The following ACAP2 variants were observed in gnomAD, a reference collection of about 807,000 sequenced individuals.
ACAP2 encodes arf-GAP with coiled-coil, ANK repeat and PH domain-containing protein 2.
Under a neutral mutation model 115.8 loss-of-function variants are expected in ACAP2, and 39 were observed. That is an observed-to-expected ratio of 0.34 (90% CI 0.26 to 0.44). The LOEUF is 0.44. ACAP2 is among the 20% of genes least tolerant of loss of function. The probability of loss-of-function intolerance (pLI) is 1.00; values close to 1 mark genes in which losing one functional copy is unlikely to be tolerated. For missense variants in ACAP2, 662 were observed against 927.6 expected, an observed-to-expected ratio of 0.71 and a Z score of 3.72; for synonymous variants, 289 against 315.8, an observed-to-expected ratio of 0.92 and a Z score of 0.90.
At chr3:195,308,686 T>C (rs1272038376) in intron 11 of ACAP2, 100 bp downstream of exon 11, 2 of 958,842 alleles carry the variant, frequency 2.1e-6, no homozygotes, top group East Asian at 5.5e-5. Flanking sequence ...ATAATTACAT[T>C]AATTTTACAC....
At chr3:195,346,345 T>C (rs986852975) in intron 4 of ACAP2, among the ~76,000 whole-genome samples, 6 of 152,146 alleles carry the variant, frequency 3.9e-5, no homozygotes, top group Admixed American at 3.9e-4. Context: ...TTAGCGAATA[T>C]TATAAAATTG....
At chr3:195,330,091 C>T (rs761723387) in intron 8 of ACAP2, among the ~76,000 whole-genome samples, 7 of 152,104 alleles carry the variant, frequency 4.6e-5, no homozygotes, top group South Asian at 2.1e-4. Context: ...AGCAAGTATA[C>T]GCTACTGATT....
At chr3:195,352,898 T>C (rs944692402) in intron 4 of ACAP2, among the ~76,000 whole-genome samples, 2 of 151,968 alleles carry the variant, frequency 1.3e-5, no homozygotes, top group Admixed American at 1.3e-4. Flanking sequence ...CTGGCCAACA[T>C]GGTGAAACCC....
intron 13 of ACAP2, among the ~76,000 whole-genome samples, chr3:195,303,916 C>G (rs1379862356): frequency 6.6e-6 from 1 of 152,064 alleles, no homozygotes; most frequent in Non-Finnish European, 1.5e-5. Flanking sequence ...AATCTCAGCA[C>G]TTTGGGAAGC....
intron 1 of ACAP2, among the ~76,000 whole-genome samples, chr3:195,396,793 GA>G (rs62983860): frequency 1.1e-5 from 1 of 91,818 alleles, no homozygotes; most frequent in Admixed American, 1.5e-4. Context: ...TCTCAAAAAA[GA>G]AAAAAAAAAA....
At chr3:195,344,189 G>C (rs1261811483) in intron 5 of ACAP2, among the ~76,000 whole-genome samples, 1 of 152,148 alleles carries the variant, frequency 6.6e-6, no homozygotes, top group Non-Finnish European at 1.5e-5. Flanking sequence ...CTGTACTCCA[G>C]CCTGGGTAAC....
At chr3:195,417,166 G>C (rs998455540) in intron 1 of ACAP2, among the ~76,000 whole-genome samples, 2 of 145,282 alleles carry the variant, frequency 1.4e-5, no homozygotes, top group Non-Finnish European at 3.0e-5. Flanking sequence ...TCCTGGCCTC[G>C]AGCAGTCCTC....
chr3:195,391,940 A>G, intron 2 of ACAP2, 150 bp downstream of exon 2: 1 of 585,896 alleles, frequency 1.7e-6, no homozygotes, highest in Non-Finnish European at 3.0e-6. Flanking sequence ...GGTTGCAGTG[A>G]GCTGAGATCA....
chr3:195,417,194 A>C (rs1713808527), intron 1 of ACAP2, among the ~76,000 whole-genome samples: 1 of 150,550 alleles, frequency 6.6e-6, no homozygotes. Flanking sequence ...AGCCTCCCAA[A>C]GTGCTGACAT....
At position 195,369,721 on chromosome 3, in the gene ACAP2, G is replaced by A. The variant is rs151202422; in HGVS notation, c.285+11288C>T. On this transcript the variant is annotated intron_variant, in intron 4 of 22. Coordinates refer to ENST00000326793, the MANE Select transcript of ACAP2 (RefSeq NM_012287.6). ...GTGAACAGTGCTGCAATGAACACTC[G>A]TGTGCATGTGTCTCTATGGTAGAAT... Among the ~76,000 whole-genome samples, 6 of 152,250 alleles carry A rather than the reference G, an allele frequency of 3.9e-5. No individual in the cohort carries two copies. The East Asian group carries it at 5.8e-4, about 15-fold the overall frequency.
In ACAP2 at chr3:195,346,169, A is replaced by G. The variant is rs115390365; in HGVS notation, c.286-852T>C. Among the ~76,000 whole-genome samples the G allele has an allele frequency of 1.8e-3, 271 of 152,306 alleles. 1 individual carries two copies. Among genetic ancestry groups the G allele is most frequent in the African/African-American group, 5.1e-3 (211 of 41,576 alleles). On this transcript the variant is annotated intron_variant, in intron 4 of 22. Coordinates refer to ENST00000326793, the MANE Select transcript of ACAP2 (RefSeq NM_012287.6). ...AATCTGGACTTTTCAAAATCTGTCAATTTACTTCCAGAGAGAAATTTAATT... is the reference window on the plus strand; with the variant it reads ...AATCTGGACTTTTCAAAATCTGTCAGTTTACTTCCAGAGAGAAATTTAATT...
chr3:195,442,663 G>T (rs1353645492), intron 1 of ACAP2, 132 bp downstream of exon 1: 1 of 959,642 alleles, frequency 1.0e-6, no homozygotes, highest in Non-Finnish European at 1.5e-6. Flanking sequence ...GGTGGGAAAC[G>T]GCGGCAACAG....
intron 3 of ACAP2, 37 bp downstream of exon 3, chr3:195,381,866 T>C: frequency 6.4e-7 from 1 of 1,566,184 alleles, no homozygotes; most frequent in Non-Finnish European, 8.6e-7. Flanking sequence ...TATTGCTTTT[T>C]TTTTTCATTT....
intron 13 of ACAP2, among the ~76,000 whole-genome samples, chr3:195,302,840 T>C (rs1316562889): frequency 6.6e-6 from 1 of 152,132 alleles, no homozygotes; most frequent in Non-Finnish European, 1.5e-5. Flanking sequence ...ATCCCAGCAC[T>C]TTAGGAAGCT....
In ACAP2 at chr3:195,428,078, A is replaced by G. The variant is rs546272452; in HGVS notation, c.53+14717T>C. Among the ~76,000 whole-genome samples, 12 of 152,074 alleles carry G rather than the reference A, an allele frequency of 7.9e-5. 1 individual carries two copies. The South Asian group carries it at 2.5e-3, about 32-fold the overall frequency. On this transcript the variant is annotated intron_variant, in intron 1 of 22. Transcript: ENST00000326793. The stretch of plus-strand genomic sequence containing the variant: ...TACCAAATTATCAATAATCCAGAAA[A>G]GCAGGGTATCAACATGTCCAAAACA...
At chr3:195,341,767 T>G (rs1325050080) in intron 6 of ACAP2, among the ~76,000 whole-genome samples, 4 of 152,222 alleles carry the variant, frequency 2.6e-5, no homozygotes, top group Non-Finnish European at 5.9e-5. Context: ...GATGTTATTA[T>G]CACTCACAAT....
chr3:195,279,544 G>T, intron 22 of ACAP2, 116 bp from the exon 23 acceptor site: 1 of 553,782 alleles, frequency 1.8e-6, no homozygotes, highest in Non-Finnish European at 2.8e-6. Context: ...TTGTTCAGAT[G>T]AGCATTTTTG....
At chr3:195,442,213 A>C (rs1229732618) in intron 1 of ACAP2, 2 of 152,802 alleles carry the variant, frequency 1.3e-5, no homozygotes, top group African/African-American at 4.8e-5. Context: ...GCACGCATCC[A>C]CCGCGGGCGC....
At chr3:195,337,628 A>G (rs940828185) in intron 6 of ACAP2, among the ~76,000 whole-genome samples, 12 of 151,932 alleles carry the variant, frequency 7.9e-5, no homozygotes, top group Non-Finnish European at 1.2e-4. Context: ...TTTTCTATTT[A>G]GTAGAGACGG....
Sources: gnomAD v4.1 joint callset for allele counts (sites outside exome capture counted in the v4.1 genomes callset) on GRCh38, gnomAD v4.1.1 for gene constraint, MANE v1.5 for transcripts, NCBI Gene and HGNC (gene_info 2026-07-23, HGNC 2026-07-21) for gene names.